RIT2: variants seen among roughly 807,000 people sequenced by gnomAD.
RIT2 encodes GTP-binding protein Rit2.
RIT2 carries 24 observed loss-of-function variants against 23.7 expected under a neutral mutation model. The ratio of observed to expected loss-of-function variants is 1.01; its 90% CI spans 0.73 to 1.43. The LOEUF is 1.43. Ranked by LOEUF, RIT2 falls within the 40% of genes most tolerant of loss-of-function variation. RIT2 has a pLI of 0.00. For missense variants in RIT2, 236 were observed against 266.9 expected (o/e 0.88, Z 0.81); for synonymous variants, 107 against 91.1 (o/e 1.17, Z -0.99).
At chr18:42,879,635 TAA>T (rs1907835780) in intron 4 of RIT2, among the ~76,000 whole-genome samples, 1 of 152,128 alleles carries the variant, frequency 6.6e-6, no homozygotes, top group Non-Finnish European at 1.5e-5. Flanking sequence ...GTTTTTTTCT[TAA>T]GTTTCCTCCT....
At chr18:42,847,938 T>G (rs1293828601) in intron 4 of RIT2, among the ~76,000 whole-genome samples, 1 of 150,930 alleles carries the variant, frequency 6.6e-6, no homozygotes, top group Non-Finnish European at 1.5e-5. Context: ...ATGATAAATC[T>G]AATTTATAAT....
chr18:43,049,452 G>A (rs940762359), intron 1 of RIT2, among the ~76,000 whole-genome samples: 20 of 152,202 alleles, frequency 1.3e-4, no homozygotes, highest in Middle Eastern at 3.4e-3. Context: ...ACAACTGCAC[G>A]ACAGCTAGGT....
chr18:42,920,993 GA>G (rs1301744968), intron 4 of RIT2, among the ~76,000 whole-genome samples: 1 of 151,466 alleles, frequency 6.6e-6, no homozygotes, highest in Non-Finnish European at 1.5e-5. Flanking sequence ...AGATACTGAT[GA>G]ACAAAAAGAG....
chr18:42,849,820 A>G (rs1353475683), intron 4 of RIT2, among the ~76,000 whole-genome samples: 1 of 152,178 alleles, frequency 6.6e-6, no homozygotes, highest in Non-Finnish European at 1.5e-5. Context: ...GGAAGGCAGG[A>G]AAACCCTAGG....
At chr18:42,930,263 G>A (rs1909293307) in intron 3 of RIT2, among the ~76,000 whole-genome samples, 1 of 151,920 alleles carries the variant, frequency 6.6e-6, no homozygotes, top group Non-Finnish European at 1.5e-5. Flanking sequence ...GTGGAGGAAA[G>A]GGCCACTGAA....
intron 4 of RIT2, among the ~76,000 whole-genome samples, chr18:42,798,269 T>G (rs1905430506): frequency 1.3e-5 from 2 of 152,174 alleles, no homozygotes; most frequent in Admixed American, 1.3e-4. Flanking sequence ...AAGTTTTCAT[T>G]CAGATCCATT....
chr18:43,105,586 A>C (rs1913804315), intron 1 of RIT2, among the ~76,000 whole-genome samples: 1 of 151,112 alleles, frequency 6.6e-6, no homozygotes, highest in African/African-American at 2.4e-5. Flanking sequence ...AGTATTTTCC[A>C]ATGTCATCTA....
At chr18:42,804,520 A>C (rs1025225157) in intron 4 of RIT2, among the ~76,000 whole-genome samples, 2 of 146,082 alleles carry the variant, frequency 1.4e-5, no homozygotes, top group African/African-American at 5.1e-5. Context: ...GCGCCACTGC[A>C]CTCCAGCCTG....
At chr18:42,814,814 T>C (rs1226907725) in intron 4 of RIT2, among the ~76,000 whole-genome samples, 2 of 152,108 alleles carry the variant, frequency 1.3e-5, no homozygotes, top group Non-Finnish European at 2.9e-5. Flanking sequence ...ACAGAGTCCA[T>C]TCTCCTCTCC....
intron 1 of RIT2, among the ~76,000 whole-genome samples, chr18:43,049,697 T>C (rs562229032): frequency 1.3e-5 from 2 of 152,146 alleles, no homozygotes; most frequent in Non-Finnish European, 2.9e-5. Context: ...ATAGTGAATA[T>C]GTATTAATAG....
At position 43,032,694 on chromosome 18, in the gene RIT2, GT is replaced by G. The variant is rs1568061738; in HGVS notation, c.160+1116del. Among the ~76,000 whole-genome samples the G allele has an allele frequency of 9.4e-3, 7 of 746 alleles. No individual in the cohort carries two copies. The Admixed American group carries it at 0.14, about 15-fold the overall frequency. The allele number at this position is 746 out of a possible 152,430, so 0.5% of individuals were successfully genotyped here. Reference sequence around the variant, plus strand: ...TCCAGTTATCACATACTAATTGCATGTACTAAATCTATCTAATCGATTTACT... The same window carrying G: ...TCCAGTTATCACATACTAATTGCATGACTAAATCTATCTAATCGATTTACT... On this transcript the variant is annotated intron_variant, in intron 2 of 4. Transcript: ENST00000326695.
intron 4 of RIT2, among the ~76,000 whole-genome samples, chr18:42,763,223 G>A (rs531649728): frequency 6.6e-6 from 1 of 152,332 alleles, no homozygotes; most frequent in South Asian, 2.1e-4. Flanking sequence ...AGCACTTTGG[G>A]AGGCCAAGGC....
chr18:43,091,651 C>T (rs143325113), intron 1 of RIT2, among the ~76,000 whole-genome samples: 11 of 152,022 alleles, frequency 7.2e-5, no homozygotes, highest in East Asian at 3.9e-4. Flanking sequence ...GATTGTTCTC[C>T]GGAAATTAAA....
chr18:42,859,976 A>AT (rs1907284495), intron 4 of RIT2, among the ~76,000 whole-genome samples: 1 of 149,104 alleles, frequency 6.7e-6, no homozygotes, highest in East Asian at 2.2e-4. Flanking sequence ...CATTTCCTTG[A>AT]TTTAAAAAAA....
At chr18:42,810,921 C>T (rs1905833260) in intron 4 of RIT2, among the ~76,000 whole-genome samples, 1 of 151,976 alleles carries the variant, frequency 6.6e-6, no homozygotes, top group East Asian at 1.9e-4. Context: ...GAACTTGAAG[C>T]TTCAGATAAA....
rs1188494584 is a variant in RIT2 at position 42,985,828 on chromosome 18, T to TA, written c.161-11682dup. On this transcript the variant is annotated intron_variant, in intron 2 of 4. Transcript: ENST00000326695. ...ACTTTAGAAGAATACCTTCATGACT[T>TA]AGAGTGATAAATCTTAATAACTAAT... Among the ~76,000 whole-genome samples, 7 of 151,986 alleles carry TA rather than the reference T, an allele frequency of 4.6e-5. No individual in the cohort carries two copies. In the East Asian group the frequency reaches 1.4e-3, roughly 29 times the overall value.
chr18:42,975,175 T>A (rs1306739635), intron 2 of RIT2, among the ~76,000 whole-genome samples: 1 of 152,122 alleles, frequency 6.6e-6, no homozygotes, highest in Non-Finnish European at 1.5e-5. Flanking sequence ...AGATGGTATC[T>A]CATTGTGTTT....
chr18:42,898,912 G>T (rs139191916), intron 4 of RIT2, among the ~76,000 whole-genome samples: 1 of 151,984 alleles, frequency 6.6e-6, no homozygotes, highest in Non-Finnish European at 1.5e-5. Context: ...CCTTTTCAGC[G>T]CCCCTCATTG....
At chr18:42,755,428 T>C (rs2143890546) in intron 4 of RIT2, among the ~76,000 whole-genome samples, 1 of 152,256 alleles carries the variant, frequency 6.6e-6, no homozygotes, top group Middle Eastern at 3.4e-3. Context: ...GGCTGTTTTC[T>C]TCAAGTCCCA....
Sources: gnomAD v4.1 joint callset for allele counts (sites outside exome capture counted in the v4.1 genomes callset) on GRCh38, gnomAD v4.1.1 for gene constraint, MANE v1.5 for transcripts, NCBI Gene and HGNC (gene_info 2026-07-23, HGNC 2026-07-21) for gene names.